Variants in PTPRD observed in about 807,000 individuals in gnomAD.
PTPRD encodes the protein protein tyrosine phosphatase receptor type D, also known as receptor-type tyrosine-protein phosphatase delta.
In PTPRD, 34 loss-of-function variants were observed where a neutral mutation model predicts 214.5. The observed-to-expected ratio is 0.16, with a 90% CI of 0.12 to 0.21. PTPRD has a LOEUF of 0.21. Among genes scored for constraint, PTPRD ranks in the 10% least tolerant of loss-of-function variants. PTPRD has a pLI of 1.00. For missense variants in PTPRD, 2,545 were observed against 2,398.7 expected, an observed-to-expected ratio of 1.06 and a Z score of -1.27; for synonymous variants, 1,128 against 845.7, an observed-to-expected ratio of 1.33 and a Z score of -5.79.
At position 9,717,920 on chromosome 9, in the gene PTPRD, A is replaced by G. The variant is rs891922887; in HGVS notation, c.-287+16613T>C. Among the ~76,000 whole-genome samples, 13 of 78,742 alleles carry G rather than the reference A, an allele frequency of 1.7e-4. No homozygotes were observed. In the East Asian group the frequency reaches 4.5e-3, roughly 27 times the overall value. The allele number at this position is 78,742 out of a possible 152,430, so 51.7% of individuals were successfully genotyped here. On this transcript the variant is annotated intron_variant, in intron 7 of 45. Coordinates refer to ENST00000381196, the MANE Select transcript of PTPRD (RefSeq NM_002839.4). ...AAATTAAAAATAAAATTAGCATTGGAAAGACTTGAAATAAAAAAATCCATT... is the reference window on the plus strand; with the variant it reads ...AAATTAAAAATAAAATTAGCATTGGGAAGACTTGAAATAAAAAAATCCATT...
chr9:8,854,961 CCTTTTCT>C (rs1301891525), intron 11 of PTPRD, among the ~76,000 whole-genome samples: 1 of 152,108 alleles, frequency 6.6e-6, no homozygotes, highest in African/African-American at 2.4e-5. Context: ...TGCACCAATA[CCTTTTCT>C]CTTTTCTATT....
chr9:10,345,038 G>A (rs940639063), intron 2 of PTPRD, among the ~76,000 whole-genome samples: 1 of 151,950 alleles, frequency 6.6e-6, no homozygotes, highest in Non-Finnish European at 1.5e-5. Flanking sequence ...CCCCATCATA[G>A]AATGGAAACT....
chr9:8,697,186 T>A (rs191783358), intron 12 of PTPRD, among the ~76,000 whole-genome samples: 2 of 152,012 alleles, frequency 1.3e-5, no homozygotes, highest in South Asian at 2.1e-4. Context: ...AAAGAATAAA[T>A]CTAATTTCTG....
intron 5 of PTPRD, among the ~76,000 whole-genome samples, chr9:9,867,481 C>T (rs1374872746): frequency 6.6e-6 from 1 of 151,856 alleles, no homozygotes; most frequent in Non-Finnish European, 1.5e-5. Context: ...AACATATTTT[C>T]CTCAACATAT....
chr9:8,468,021 C>T (rs571179012), intron 31 of PTPRD, among the ~76,000 whole-genome samples: 2 of 152,130 alleles, frequency 1.3e-5, no homozygotes, highest in South Asian at 2.1e-4. Context: ...TTTATTCATA[C>T]TGCAGATGTA....
intron 43 of PTPRD, among the ~76,000 whole-genome samples, chr9:8,335,743 C>A (rs952159709): frequency 3.9e-5 from 6 of 152,044 alleles, no homozygotes; most frequent in Admixed American, 1.3e-4. Flanking sequence ...TTTAGAAGAC[C>A]CCATTGTCTC....
chr9:10,304,530 T>C (rs1453394643), intron 3 of PTPRD, among the ~76,000 whole-genome samples: 1 of 152,072 alleles, frequency 6.6e-6, no homozygotes, highest in Non-Finnish European at 1.5e-5. Context: ...CTCAGCCCTA[T>C]ATCTCCTTAA....
At chr9:8,646,862 G>C (rs140946608) in intron 12 of PTPRD, among the ~76,000 whole-genome samples, 3 of 152,270 alleles carry the variant, frequency 2.0e-5, no homozygotes, top group Non-Finnish European at 2.9e-5. Context: ...GCTTGGTAAA[G>C]GCTGTCCCAG....
chr9:9,093,690 A>G (rs374307935), intron 10 of PTPRD, among the ~76,000 whole-genome samples: 78 of 151,906 alleles, frequency 5.1e-4, no homozygotes, highest in African/African-American at 1.9e-3. Context: ...ATGTAGCTAA[A>G]CAGGCATATA....
Position 9,106,929 on chromosome 9 carries a change from G to C in PTPRD, c.-143+76375C>G, listed in dbSNP as rs890225793. On this transcript the variant is annotated intron_variant, in intron 10 of 45. Transcript: ENST00000381196. ...ATAACTTAATCTACCTTCTATGGGA[G>C]ATCAGTTGGCCTAATTGGGAGAACA... 9.2e-5 allele frequency among the ~76,000 whole-genome samples: 14 copies of C among 152,242 alleles called. No homozygotes were observed. The East Asian group carries it at 2.5e-3, about 27-fold the overall frequency.
At chr9:8,687,927 C>T (rs1461059391) in intron 12 of PTPRD, among the ~76,000 whole-genome samples, 3 of 151,504 alleles carry the variant, frequency 2.0e-5, no homozygotes, top group African/African-American at 7.3e-5. Context: ...GTATAATGTC[C>T]CAAATAATCA....
chr9:8,946,638 T>C (rs1433696589), intron 11 of PTPRD, among the ~76,000 whole-genome samples: 1 of 152,118 alleles, frequency 6.6e-6, no homozygotes, highest in East Asian at 1.9e-4. Flanking sequence ...CTTCTTTGTC[T>C]GATGTAAGGG....
At chr9:10,017,158 G>C (rs932428708) in intron 4 of PTPRD, among the ~76,000 whole-genome samples, 1 of 152,116 alleles carries the variant, frequency 6.6e-6, no homozygotes, top group Non-Finnish European at 1.5e-5. Context: ...AATGTTTTTA[G>C]TTTTGACAGT....
At chr9:9,627,272 A>G (rs2095452282) in intron 7 of PTPRD, among the ~76,000 whole-genome samples, 1 of 152,248 alleles carries the variant, frequency 6.6e-6, no homozygotes, top group African/African-American at 2.4e-5. Flanking sequence ...GGGCCACTTC[A>G]CTACAACATG....
intron 2 of PTPRD, among the ~76,000 whole-genome samples, chr9:10,587,032 A>G (rs1591516299): frequency 6.6e-6 from 1 of 152,100 alleles, no homozygotes; most frequent in East Asian, 1.9e-4. Flanking sequence ...CATTTAATAA[A>G]TAGATCACTG....
chr9:10,345,257 T>C (rs1322776325), intron 2 of PTPRD, among the ~76,000 whole-genome samples: 1 of 152,190 alleles, frequency 6.6e-6, no homozygotes, highest in Non-Finnish European at 1.5e-5. Flanking sequence ...CATAAATTTA[T>C]AGTGAACATT....
chr9:8,617,842 A>G (rs115952533), intron 14 of PTPRD, among the ~76,000 whole-genome samples: 218 of 152,278 alleles, frequency 1.4e-3, no homozygotes, highest in African/African-American at 5.1e-3. Flanking sequence ...ATTGAAAGGC[A>G]CATCTGATAC....
At chr9:10,425,549 A>G (rs978048288) in intron 2 of PTPRD, among the ~76,000 whole-genome samples, 5 of 152,066 alleles carry the variant, frequency 3.3e-5, no homozygotes, top group East Asian at 1.9e-4. Flanking sequence ...TTTTACCCAC[A>G]TAAGAGTCCA....
At chr9:8,510,890 CTTTG>C (rs2097664794) in intron 21 of PTPRD, among the ~76,000 whole-genome samples, 1 of 151,986 alleles carries the variant, frequency 6.6e-6, no homozygotes, top group Non-Finnish European at 1.5e-5. Context: ...TAAGAAAACA[CTTTG>C]TTTTCTCTGG....
Sources: gnomAD v4.1 joint callset for allele counts (sites outside exome capture counted in the v4.1 genomes callset) on GRCh38, gnomAD v4.1.1 for gene constraint, MANE v1.5 for transcripts, NCBI Gene and HGNC (gene_info 2026-07-23, HGNC 2026-07-21) for gene names.